RHOBTB1: variants seen among roughly 807,000 people sequenced by gnomAD.
RHOBTB1 encodes the protein rho-related BTB domain-containing protein 1.
In RHOBTB1, 40 loss-of-function variants were observed where a neutral mutation model predicts 71.6. That is an observed-to-expected ratio of 0.56 (90% CI 0.43 to 0.73). The LOEUF (loss-of-function observed/expected upper bound fraction) is 0.73, where lower values mean the gene tolerates loss of function less well. Ranked by LOEUF, RHOBTB1 falls within the 30% of genes least tolerant of loss-of-function variation. The pLI is 0.00. For synonymous variants in RHOBTB1, 319 were observed against 334.9 expected, an observed-to-expected ratio of 0.95 and a Z score of 0.52; for missense variants, 797 against 894.0, an observed-to-expected ratio of 0.89 and a Z score of 1.38.
chr10:60,943,482 C>T (rs987704265), intron 1 of RHOBTB1, among the ~76,000 whole-genome samples: 6 of 152,144 alleles, frequency 3.9e-5, no homozygotes, highest in Admixed American at 2.0e-4. Flanking sequence ...ACTCCATAGA[C>T]ACGGGGTTGC....
upstream of RHOBTB1, among the ~76,000 whole-genome samples, chr10:60,944,516 C>T (rs2085130610): frequency 6.6e-6 from 1 of 152,164 alleles, no homozygotes; most frequent in Non-Finnish European, 1.5e-5. Flanking sequence ...GACCCCGGCC[C>T]TTTCCCCGCG....
intron 5 of RHOBTB1, 53 bp downstream of exon 5, chr10:60,892,757 C>T: frequency 6.6e-7 from 1 of 1,503,926 alleles, no homozygotes; most frequent in Non-Finnish European, 9.0e-7. Context: ...ACACCTGCTG[C>T]CTGTAAATTT....
At position 60,984,627 on chromosome 10, in the gene RHOBTB1, C is replaced by T. The variant is rs942938768; in HGVS notation, c.-62+1218G>A. ...GGATCCTGGTTCATTAGCACAAATA[C>T]CCATATGAGAGAAGGATCAGCAAAT... On this transcript the variant is annotated intron_variant, in intron 2 of 11. Transcript: ENST00000357917. Among the ~76,000 whole-genome samples, 13 of 152,222 alleles carry T rather than the reference C, an allele frequency of 8.5e-5. No individual in the cohort carries two copies. In the East Asian group the frequency reaches 1.7e-3, roughly 20 times the overall value.
the RHOBTB1 span, among the ~76,000 whole-genome samples, chr10:60,863,808 C>T: frequency 1.3e-5 from 2 of 152,318 alleles, no homozygotes; most frequent in Admixed American, 1.3e-4. Context: ...GCTGGAATCA[C>T]AGGCATGATC....
chr10:60,967,061 A>G (rs1212695415), intron 2 of RHOBTB1, among the ~76,000 whole-genome samples: 7 of 151,942 alleles, frequency 4.6e-5, no homozygotes, highest in African/African-American at 1.7e-4. Context: ...GGGGTGAGGG[A>G]GCGATGCAGT....
chr10:60,931,161 A>AT (rs1324022706), intron 2 of RHOBTB1, among the ~76,000 whole-genome samples: 2 of 152,208 alleles, frequency 1.3e-5, no homozygotes, highest in South Asian at 2.1e-4. Context: ...TGCACGTCTT[A>AT]TTTTTTTAAA....
chr10:60,966,182 T>C (rs534327989), intron 2 of RHOBTB1, among the ~76,000 whole-genome samples: 16 of 152,084 alleles, frequency 1.1e-4, no homozygotes, highest in African/African-American at 3.9e-4. Context: ...CCAAAAAACT[T>C]TTAATATTAG....
At chr10:60,896,314 G>T (rs893902665) in intron 4 of RHOBTB1, among the ~76,000 whole-genome samples, 7 of 152,216 alleles carry the variant, frequency 4.6e-5, no homozygotes, top group Non-Finnish European at 8.8e-5. Flanking sequence ...TGAAGAGTCA[G>T]TTTAAAAATA....
upstream of RHOBTB1, among the ~76,000 whole-genome samples, chr10:60,944,766 C>T (rs1271192644): frequency 6.6e-6 from 1 of 152,200 alleles, no homozygotes. Flanking sequence ...CTGCATTAGC[C>T]CAGCCTCCTC....
At chr10:60,882,467 G>A (rs1171785483) in intron 7 of RHOBTB1, among the ~76,000 whole-genome samples, 1 of 152,028 alleles carries the variant, frequency 6.6e-6, no homozygotes, top group African/African-American at 2.4e-5. Flanking sequence ...AAAGTAATGA[G>A]AAAAAATATA....
chr10:60,926,551 C>T (rs896502476), intron 2 of RHOBTB1, among the ~76,000 whole-genome samples: 3 of 152,120 alleles, frequency 2.0e-5, no homozygotes, highest in African/African-American at 7.2e-5. Flanking sequence ...TGAAATTCAT[C>T]CCAGGGATGT....
chr10:60,916,139 C>G (rs1212463276), intron 2 of RHOBTB1, among the ~76,000 whole-genome samples: 1 of 152,144 alleles, frequency 6.6e-6, no homozygotes, highest in East Asian at 1.9e-4. Flanking sequence ...CTGCTTCGCC[C>G]AAAAGAATGT....
At chr10:60,997,663 T>C (rs1490728053) in intron 1 of RHOBTB1, among the ~76,000 whole-genome samples, 1 of 152,216 alleles carries the variant, frequency 6.6e-6, no homozygotes, top group East Asian at 1.9e-4. Context: ...TTAAATAGAA[T>C]TGGTAAACTA....
At chr10:60,962,506 T>C (rs1371681248) in intron 2 of RHOBTB1, among the ~76,000 whole-genome samples, 1 of 152,182 alleles carries the variant, frequency 6.6e-6, no homozygotes, top group African/African-American at 2.4e-5. Flanking sequence ...TAAAGTATGC[T>C]CTTTATACAA....
At chr10:60,924,629 C>T (rs1030904617) in intron 2 of RHOBTB1, among the ~76,000 whole-genome samples, 2 of 152,166 alleles carry the variant, frequency 1.3e-5, no homozygotes, top group Non-Finnish European at 2.9e-5. Flanking sequence ...ACTTAGTCTG[C>T]ACTATAGACC....
chr10:60,880,581 A>G (rs1242149362), intron 7 of RHOBTB1, among the ~76,000 whole-genome samples: 4 of 152,208 alleles, frequency 2.6e-5, no homozygotes, highest in Non-Finnish European at 4.4e-5. Context: ...TCATTACCAT[A>G]AACGATTTGA....
At position 60,871,635 on chromosome 10, in the gene RHOBTB1, G is replaced by A. The variant is rs372833321; in HGVS notation, c.1938C>T (p.Phe646=). 3.8e-5 allele frequency: 61 copies of A among 1,613,740 alleles called. No homozygotes were observed. Among genetic ancestry groups the A allele is most frequent in the South Asian group, 2.9e-4 (26 of 91,024 alleles). The part of the protein sequence containing the change: ...KSKSADNQEY[F]ERHRWPPVWY... ...ACACAGGGGGCCAGCGGTGCCGCTCGAAGTATTCCTGGTTGTCTGGTGAAG... is the reference window on the plus strand; with the variant it reads ...ACACAGGGGGCCAGCGGTGCCGCTCAAAGTATTCCTGGTTGTCTGGTGAAG... The change falls in exon 11 of 11, where the codon TTC becomes TTT. Residue 646 remains phenylalanine (F), a synonymous_variant. Coordinates refer to ENST00000337910, the MANE Select transcript of RHOBTB1 (RefSeq NM_014836.5).
rs541410738 is a variant in RHOBTB1 at position 60,958,983 on chromosome 10, T to C, written c.-61-17129A>G. On this transcript the variant is annotated intron_variant, in intron 2 of 11. Transcript: ENST00000357917. Reference sequence around the variant, plus strand: ...TCATTTTGGTAAACTATTACTTTGGTGGTCTCCAGTGAGCCCTGCCTCCCA... The same window carrying C: ...TCATTTTGGTAAACTATTACTTTGGCGGTCTCCAGTGAGCCCTGCCTCCCA... Among the ~76,000 whole-genome samples, 3 of 152,288 alleles carry C rather than the reference T, an allele frequency of 2.0e-5. No homozygotes were observed. The South Asian group carries it at 6.2e-4, about 32-fold the overall frequency.
intron 7 of RHOBTB1, among the ~76,000 whole-genome samples, chr10:60,880,526 G>A (rs189309216): frequency 6.6e-5 from 10 of 152,154 alleles, no homozygotes; most frequent in Middle Eastern, 3.4e-3. Context: ...TTCAGACATG[G>A]TTGGTGAAAA....
Sources: allele counts gnomAD v4.1 joint callset (sites outside exome capture counted in the v4.1 genomes callset), GRCh38; gene constraint gnomAD v4.1.1; transcripts MANE v1.5; gene names NCBI Gene and HGNC (gene_info 2026-07-23, HGNC 2026-07-21).